Variants in PPP6R3 observed in about 807,000 individuals in gnomAD.
PPP6R3 encodes the protein protein phosphatase 6 regulatory subunit 3.
A neutral mutation model predicts 110.7 loss-of-function variants in PPP6R3; 38 were observed. The ratio of observed to expected loss-of-function variants is 0.34; its 90% CI spans 0.26 to 0.45. The LOEUF is 0.45. Among genes scored for constraint, PPP6R3 ranks in the 20% least tolerant of loss-of-function variants. PPP6R3 has a pLI of 1.00. For missense variants in PPP6R3, 870 were observed against 1,062.4 expected, an observed-to-expected ratio of 0.82 and a Z score of 2.52; for synonymous variants, 369 against 373.5, an observed-to-expected ratio of 0.99 and a Z score of 0.14.
intron 6 of PPP6R3, 115 bp downstream of exon 6, chr11:68,551,301 A>G (rs1221027146): frequency 5.4e-6 from 4 of 747,490 alleles, no homozygotes; most frequent in Non-Finnish European, 8.8e-6. Flanking sequence ...TACAGGGAGA[A>G]TAGCAGCGAT....
At chr11:68,544,132 C>G (rs2099335079) in intron 3 of PPP6R3, among the ~76,000 whole-genome samples, 1 of 152,168 alleles carries the variant, frequency 6.6e-6, no homozygotes, top group Non-Finnish European at 1.5e-5. Context: ...AGGTCTCACT[C>G]TTGCCCAGGC....
intron 19 of PPP6R3, among the ~76,000 whole-genome samples, chr11:68,597,745 G>A (rs556681587): frequency 2.1e-4 from 31 of 151,194 alleles, no homozygotes; most frequent in African/African-American, 6.8e-4. Context: ...TCTGGAGGCC[G>A]AGTCAGGCGG....
At chr11:68,574,245 G>T in intron 13 of PPP6R3, 21 bp downstream of exon 13, 1 of 1,591,364 alleles carries the variant, frequency 6.3e-7, no homozygotes, top group South Asian at 1.1e-5. Flanking sequence ...TGTGAAATTT[G>T]AATTACATTT....
chr11:68,587,856 C>T (rs2153836909), intron 15 of PPP6R3, 71 bp from the exon 16 acceptor site: 1 of 1,288,936 alleles, frequency 7.8e-7, no homozygotes, highest in East Asian at 2.3e-5. Flanking sequence ...TTCTGGAACA[C>T]AAATGGGCAA....
At chr11:68,476,591 A>G (rs1426789538) in intron 1 of PPP6R3, among the ~76,000 whole-genome samples, 1 of 152,100 alleles carries the variant, frequency 6.6e-6, no homozygotes, top group Non-Finnish European at 1.5e-5. Context: ...CCTTTTAAGC[A>G]CCACTTTAGC....
Position 68,473,337 on chromosome 11 carries a change from A to G in PPP6R3, c.-158+12510A>G, listed in dbSNP as rs79911026. Among the ~76,000 whole-genome samples, 1,178 of 152,330 alleles carry G rather than the reference A, an allele frequency of 7.7e-3. 18 individuals carry two copies. The highest frequency in any genetic ancestry group is 0.027 in the African/African-American group (1,114 of 41,564). On this transcript the variant is annotated intron_variant, in intron 1 of 23. Coordinates refer to ENST00000393800, the MANE Select transcript of PPP6R3 (RefSeq NM_001164161.2). ...GAAAGACTGGGTTCTAGAAACTTCT[A>G]GAACACATGGAGGTTCCTGGAGGGT...
At chr11:68,505,557 T>G (rs2099071607) in intron 1 of PPP6R3, among the ~76,000 whole-genome samples, 1 of 152,212 alleles carries the variant, frequency 6.6e-6, no homozygotes, top group Non-Finnish European at 1.5e-5. Context: ...AGCAGTGCTG[T>G]CTAGTAGAAC....
chr11:68,609,519 C>T (rs755107656), intron 22 of PPP6R3: 13 of 1,391,732 alleles, frequency 9.3e-6, no homozygotes, highest in Non-Finnish European at 1.2e-5. Context: ...TACGTGCAGT[C>T]GTGGACATAT....
At chr11:68,562,564 G>C (rs545727939) in intron 8 of PPP6R3, among the ~76,000 whole-genome samples, 1 of 152,288 alleles carries the variant, frequency 6.6e-6, no homozygotes, top group South Asian at 2.1e-4. Context: ...TGAAAGAATA[G>C]ACATACAGAT....
chr11:68,474,414 TTGTCC>T (rs2098813947), intron 1 of PPP6R3, among the ~76,000 whole-genome samples: 1 of 152,216 alleles, frequency 6.6e-6, no homozygotes, highest in African/African-American at 2.4e-5. Flanking sequence ...CTTAAATCTT[TTGTCC>T]TTGCTTTTTT....
intron 12 of PPP6R3, 104 bp downstream of exon 12, chr11:68,571,208 A>G (rs2099504369): frequency 1.5e-6 from 2 of 1,369,830 alleles, no homozygotes; most frequent in South Asian, 1.5e-5. Context: ...ATTACATGAT[A>G]CTGGCCATTT....
intron 1 of PPP6R3, among the ~76,000 whole-genome samples, chr11:68,509,444 A>G (rs2099096165): frequency 7.3e-6 from 1 of 137,210 alleles, no homozygotes; most frequent in South Asian, 2.3e-4. Flanking sequence ...CTTAAAGCAG[A>G]TTTTATTTTT....
intron 4 of PPP6R3, among the ~76,000 whole-genome samples, chr11:68,546,900 G>A (rs1004969975): frequency 2.6e-5 from 4 of 152,070 alleles, no homozygotes; most frequent in Non-Finnish European, 5.9e-5. Flanking sequence ...GACTTTTTTC[G>A]TCCTTTCTCC....
intron 2 of PPP6R3, among the ~76,000 whole-genome samples, chr11:68,520,983 G>T (rs1416082767): frequency 6.6e-6 from 1 of 152,152 alleles, no homozygotes; most frequent in Non-Finnish European, 1.5e-5. Flanking sequence ...TGTCGGCCAG[G>T]CTGGTCTTGA....
intron 4 of PPP6R3, among the ~76,000 whole-genome samples, chr11:68,546,968 A>T (rs116024446): frequency 3.3e-5 from 5 of 152,186 alleles, no homozygotes; most frequent in African/African-American, 1.2e-4. Context: ...TTTATGTGTC[A>T]TATCATTTCT....
At chr11:68,578,045 T>A (rs2099538740) in intron 14 of PPP6R3, among the ~76,000 whole-genome samples, 1 of 152,184 alleles carries the variant, frequency 6.6e-6, no homozygotes, top group South Asian at 2.1e-4. Context: ...CTTTCTTAAA[T>A]ACCACTTCCG....
intron 5 of PPP6R3, among the ~76,000 whole-genome samples, chr11:68,550,367 C>T (rs867083627): frequency 3.3e-5 from 5 of 152,210 alleles, no homozygotes; most frequent in South Asian, 2.1e-4. Context: ...TTTAGCTTTC[C>T]GGGCTTTTTA....
intron 1 of PPP6R3, among the ~76,000 whole-genome samples, chr11:68,465,641 T>G (rs1016001936): frequency 6.6e-6 from 1 of 152,344 alleles, no homozygotes; most frequent in African/African-American, 2.4e-5. Flanking sequence ...ATACATTAAT[T>G]GAGTCCTTAC....
chr11:68,466,100 A>G (rs1591472285), intron 1 of PPP6R3, among the ~76,000 whole-genome samples: 1 of 152,182 alleles, frequency 6.6e-6, no homozygotes. Context: ...TGTTTCCGGC[A>G]TTCTTGAAAT....
Sources: gnomAD v4.1 joint callset for allele counts (sites outside exome capture counted in the v4.1 genomes callset) on GRCh38, gnomAD v4.1.1 for gene constraint, MANE v1.5 for transcripts, NCBI Gene and HGNC (gene_info 2026-07-23, HGNC 2026-07-21) for gene names.